The following IFT80 variants were observed in gnomAD, a reference collection of about 807,000 sequenced individuals.
The protein encoded by IFT80 is intraflagellar transport protein 80 homolog.
A neutral mutation model predicts 107.9 loss-of-function variants in IFT80; 79 were observed. That is an observed-to-expected ratio of 0.73 (90% CI 0.61 to 0.88). The LOEUF (loss-of-function observed/expected upper bound fraction) is 0.88. Ranked by LOEUF, IFT80 falls within the 40% of genes least tolerant of loss-of-function variation. The pLI is 0.00. For missense variants in IFT80, 797 were observed against 914.2 expected (o/e 0.87, Z 1.65); for synonymous variants, 299 against 300.9 (o/e 0.99, Z 0.07).
chr3:160,390,412 C>T (rs1448383944), intron 1 of IFT80, among the ~76,000 whole-genome samples: 5 of 140,248 alleles, frequency 3.6e-5, no homozygotes, highest in African/African-American at 1.2e-4. Flanking sequence ...AGTGAAATTC[C>T]GTCTCAAAAA....
intron 12 of IFT80, among the ~76,000 whole-genome samples, chr3:160,296,929 G>C (rs1483315060): frequency 6.6e-6 from 1 of 152,018 alleles, no homozygotes; most frequent in East Asian, 1.9e-4. Context: ...TTCTTTGCTA[G>C]CTCCTCCTTA....
chr3:160,304,542 T>C (rs1300996822), intron 10 of IFT80, among the ~76,000 whole-genome samples: 1 of 151,646 alleles, frequency 6.6e-6, no homozygotes, highest in Non-Finnish European at 1.5e-5. Flanking sequence ...TTCACGCCAT[T>C]CTCCTGCCTC....
chr3:160,263,961 G>A (rs1026615144), intron 19 of IFT80, among the ~76,000 whole-genome samples: 1 of 152,128 alleles, frequency 6.6e-6, no homozygotes, highest in Non-Finnish European at 1.5e-5. Context: ...GTGAGCCACT[G>A]CGTCCAGCCT....
chr3:160,365,331 A>G (rs1014383307), intron 6 of IFT80, among the ~76,000 whole-genome samples: 11 of 152,118 alleles, frequency 7.2e-5, no homozygotes, highest in African/African-American at 2.7e-4. Context: ...CATAATCTGT[A>G]CAGATGTTAT....
At chr3:160,363,963 C>T (rs1457298682) in intron 6 of IFT80, among the ~76,000 whole-genome samples, 1 of 152,156 alleles carries the variant, frequency 6.6e-6, no homozygotes, top group African/African-American at 2.4e-5. Flanking sequence ...GACTTCATGA[C>T]TAATACACCA....
At chr3:160,387,420 C>CT (rs1713025140) in intron 1 of IFT80, among the ~76,000 whole-genome samples, 1 of 152,174 alleles carries the variant, frequency 6.6e-6, no homozygotes, top group South Asian at 2.1e-4. Flanking sequence ...AGGAGAATAG[C>CT]TTGAACCCGG....
intron 13 of IFT80, 44 bp from the exon 14 acceptor site, chr3:160,282,657 T>C (rs779915320): frequency 8.8e-7 from 1 of 1,142,258 alleles, no homozygotes; most frequent in South Asian, 1.3e-5. Flanking sequence ...GTTTTAGTGT[T>C]TGACATAAGA....
intron 1 of IFT80, among the ~76,000 whole-genome samples, chr3:160,394,562 T>G (rs1359678653): frequency 6.6e-6 from 1 of 152,124 alleles, no homozygotes; most frequent in Non-Finnish European, 1.5e-5. Flanking sequence ...ATAGCCATAC[T>G]TCAATATTAT....
chr3:160,310,932 C>G, intron 9 of IFT80, among the ~76,000 whole-genome samples: 1 of 152,014 alleles, frequency 6.6e-6, no homozygotes, highest in Non-Finnish European at 1.5e-5. Flanking sequence ...CCAGCCCAGG[C>G]AACAAGGTGA....
chr3:160,332,785 T>C (rs1445519421), intron 8 of IFT80, among the ~76,000 whole-genome samples: 1 of 152,232 alleles, frequency 6.6e-6, no homozygotes. Context: ...AATCTTCTAA[T>C]GTTTTCTTCA....
chr3:160,275,140 G>GT (rs1345388972), intron 18 of IFT80, among the ~76,000 whole-genome samples: 1 of 152,220 alleles, frequency 6.6e-6, no homozygotes, highest in African/African-American at 2.4e-5. Flanking sequence ...TATATAGCAA[G>GT]TGTCTAGCAC....
chr3:160,324,255 G>A (rs1016359649), intron 8 of IFT80, among the ~76,000 whole-genome samples: 7 of 152,158 alleles, frequency 4.6e-5, no homozygotes, highest in African/African-American at 1.4e-4. Flanking sequence ...TAGAAAAAGA[G>A]GGAATCCTTC....
intron 5 of IFT80, among the ~76,000 whole-genome samples, chr3:160,367,880 G>A (rs1406129442): frequency 2.0e-5 from 3 of 151,872 alleles, no homozygotes; most frequent in Non-Finnish European, 4.4e-5. Context: ...TGGTTATACG[G>A]CAGTAAATAA....
chr3:160,390,659 T>C (rs944794925), intron 1 of IFT80, among the ~76,000 whole-genome samples: 2 of 152,182 alleles, frequency 1.3e-5, no homozygotes, highest in Non-Finnish European at 2.9e-5. Context: ...TTCTGTGGTA[T>C]GAATTTGAAG....
At chr3:160,392,902 C>T (rs529180652) in intron 1 of IFT80, among the ~76,000 whole-genome samples, 1 of 151,970 alleles carries the variant, frequency 6.6e-6, no homozygotes, top group South Asian at 2.1e-4. Context: ...AGACCCCCTT[C>T]TTTACAAAAA....
At chr3:160,397,976 C>T (rs967273628) in intron 1 of IFT80, among the ~76,000 whole-genome samples, 2 of 152,070 alleles carry the variant, frequency 1.3e-5, no homozygotes, top group African/African-American at 4.8e-5. Flanking sequence ...ATAGTTGATA[C>T]CTCCCCAACT....
intron 8 of IFT80, among the ~76,000 whole-genome samples, chr3:160,322,042 A>AT (rs747659467): frequency 1.3e-4 from 19 of 144,092 alleles, no homozygotes; most frequent in African/African-American, 2.8e-4. Context: ...TTATTTATTT[A>AT]TTATTATTAT....
intron 18 of IFT80, 26 bp downstream of exon 18, chr3:160,277,280 G>A: frequency 1.3e-6 from 2 of 1,598,490 alleles, no homozygotes; most frequent in Non-Finnish European, 1.7e-6. Flanking sequence ...ACAGATTTTG[G>A]AACTGATGGA....
chr3:160,280,147 T>G (rs1576744490), intron 15 of IFT80, among the ~76,000 whole-genome samples: 1 of 152,202 alleles, frequency 6.6e-6, no homozygotes, highest in African/African-American at 2.4e-5. Flanking sequence ...ATAAGAGATC[T>G]CCTTGCTATT....
Sources: allele counts gnomAD v4.1 joint callset (sites outside exome capture counted in the v4.1 genomes callset), GRCh38; gene constraint gnomAD v4.1.1; transcripts MANE v1.5; gene names NCBI Gene and HGNC (gene_info 2026-07-23, HGNC 2026-07-21).